The following CDX1 variants were observed in gnomAD, a reference collection of about 807,000 sequenced individuals.
CDX1 encodes homeobox protein CDX-1.
Under a neutral mutation model 16.9 loss-of-function variants are expected in CDX1, and 9 were observed. That is an observed-to-expected ratio of 0.53 (90% CI 0.32 to 0.93). CDX1 has a LOEUF of 0.93. Ranked by LOEUF, CDX1 falls within the 40% of genes least tolerant of loss-of-function variation. CDX1 has a pLI of 0.04. For missense variants in CDX1, 393 were observed against 386.1 expected (o/e 1.02, Z -0.15); for synonymous variants, 179 against 179.0 (o/e 1.00, Z 0.00).
chr5:150,174,816 G>C (rs1403263995), intron 1 of CDX1, among the ~76,000 whole-genome samples: 3 of 144,044 alleles, frequency 2.1e-5, no homozygotes, highest in Non-Finnish European at 3.0e-5. Flanking sequence ...TGCTCTTGTC[G>C]CCCAGGCTGG....
At chr5:150,178,446 C>T (rs966923358) in intron 1 of CDX1, among the ~76,000 whole-genome samples, 1 of 152,142 alleles carries the variant, frequency 6.6e-6, no homozygotes, top group East Asian at 1.9e-4. Context: ...GTTATAGGAG[C>T]CTGGACTTCC....
intron 1 of CDX1, among the ~76,000 whole-genome samples, chr5:150,173,980 A>T (rs1466704871): frequency 6.6e-6 from 1 of 152,214 alleles, no homozygotes; most frequent in Non-Finnish European, 1.5e-5. Context: ...GGTTTGTTTT[A>T]TGTATTCACC....
chr5:150,183,423 C>G (rs765323628), intron 2 of CDX1, 51 bp from the exon 3 acceptor site: 2 of 1,489,118 alleles, frequency 1.3e-6, no homozygotes, highest in South Asian at 2.6e-5. Flanking sequence ...TGCACTCTCT[C>G]TTTCACTCTC....
chr5:150,167,230 C>T lies in CDX1; in HGVS notation c.354C>T (p.Gly118=). 5 of 1,261,660 alleles carry T rather than the reference C, an allele frequency of 4.0e-6. No homozygotes were observed. Among genetic ancestry groups the T allele is most frequent in the Non-Finnish European group, 5.0e-6 (5 of 1,008,798 alleles). 78.2% of individuals were successfully genotyped at this position (1,261,660 alleles called of 1,614,324 possible). Residue 118 remains glycine (G), a synonymous_variant, in exon 1 of 3, where the codon GGC becomes GGT. Coordinates refer to ENST00000231656, the MANE Select transcript of CDX1 (RefSeq NM_001804.3). ...GPGLLAQPLG[G]PGTPSSPGAQ... is the part of the protein sequence containing the mutation. ...GCCTCCTGGCGCAGCCCCTCGGGGG[C>T]CCGGGCACACCGTCCTCGCCCGGAG...
chr5:150,170,536 C>T (rs748422432), intron 1 of CDX1, among the ~76,000 whole-genome samples: 1 of 152,172 alleles, frequency 6.6e-6, no homozygotes, highest in Non-Finnish European at 1.5e-5. Context: ...TGGGTGAGAT[C>T]TTGGCTTTCA....
chr5:150,176,179 CCA>C (rs1761566712), intron 1 of CDX1, among the ~76,000 whole-genome samples: 3 of 152,184 alleles, frequency 2.0e-5, no homozygotes, highest in African/African-American at 7.2e-5. Flanking sequence ...CTGAGCTGGC[CCA>C]CAGCCTGCCA....
At chr5:150,176,991 G>A (rs1349054377) in intron 1 of CDX1, among the ~76,000 whole-genome samples, 2 of 152,234 alleles carry the variant, frequency 1.3e-5, no homozygotes, top group African/African-American at 4.8e-5. Flanking sequence ...TGTGGTCCAG[G>A]CCTTGGGGGG....
chr5:150,181,235 G>A (rs1048724567), intron 1 of CDX1, among the ~76,000 whole-genome samples: 3 of 152,180 alleles, frequency 2.0e-5, no homozygotes, highest in Non-Finnish European at 2.9e-5. Context: ...CCTCTGCCTA[G>A]AAGCCTCTCC....
rs144543933 is a variant in CDX1, at chr5:150,180,536, G to A, written c.446-2232G>A. Reference sequence around the variant, plus strand: ...GGGGGACAGGCGTCAGAATGGGGGCGGGTGAGTGGTTAGTACAGGGGTGCT... The same window carrying A: ...GGGGGACAGGCGTCAGAATGGGGGCAGGTGAGTGGTTAGTACAGGGGTGCT... On this transcript the variant is annotated intron_variant, in intron 1 of 2. Transcript: ENST00000231656. 1.7e-4 allele frequency among the ~76,000 whole-genome samples: 26 copies of A among 152,308 alleles called. No individual in the cohort carries two copies. In the East Asian group the frequency reaches 4.4e-3, roughly 26 times the overall value.
In CDX1 at chr5:150,167,023, T is replaced by C; in HGVS notation, c.147T>C (p.Ser49=). 7.0e-7 allele frequency: 1 copy of C among 1,434,902 alleles called. No homozygotes were observed. The highest frequency in any genetic ancestry group is 9.1e-7 in the Non-Finnish European group (1 of 1,099,642). The allele number at this position is 1,434,902 out of a possible 1,614,324, so 88.9% of individuals were successfully genotyped here. ...AGTACCCCGACTTCTCCAGCTACTC[T>C]CACGTGGAGCCGGCCCCCGCGCCCC... is the stretch of plus-strand genomic sequence containing the variant. ...PPQYPDFSSY[S]HVEPAPAPPT... Residue 49 remains serine, a synonymous_variant, in exon 1 of 3, where the codon TCT becomes TCC. Transcript: ENST00000231656.
chr5:150,183,893 G>C lies in CDX1; in HGVS notation c.*213G>C. ...AGCTCCTGTGTTCTAGACCTCTGGGGGATAAGGGAGTCCAGGGTGGATGAT... is the reference window on the plus strand; with the variant it reads ...AGCTCCTGTGTTCTAGACCTCTGGGCGATAAGGGAGTCCAGGGTGGATGAT... On this transcript the variant is annotated 3_prime_UTR_variant, in exon 3 of 3. Coordinates refer to ENST00000231656, the MANE Select transcript of CDX1 (RefSeq NM_001804.3). 2.5e-6 allele frequency: 1 copy of C among 402,710 alleles called. No individual in the cohort carries two copies. The highest frequency in any genetic ancestry group is 4.4e-6 in the Non-Finnish European group (1 of 226,788). The allele number at this position is 402,710 out of a possible 1,614,324, so 24.9% of individuals were successfully genotyped here.
At chr5:150,175,556 C>T (rs952167953) in intron 1 of CDX1, among the ~76,000 whole-genome samples, 7 of 152,132 alleles carry the variant, frequency 4.6e-5, no homozygotes, top group African/African-American at 1.7e-4. Flanking sequence ...CCCATGCCAG[C>T]TTCATCCCTG....
intron 1 of CDX1, among the ~76,000 whole-genome samples, chr5:150,173,698 T>C (rs1325545019): frequency 1.3e-5 from 2 of 152,262 alleles, no homozygotes; most frequent in African/African-American, 2.4e-5. Context: ...CCAGCATCTA[T>C]TGGGTGCTCA....
chr5:150,175,514 G>T (rs1033791636), intron 1 of CDX1, among the ~76,000 whole-genome samples: 1 of 152,206 alleles, frequency 6.6e-6, no homozygotes, highest in Admixed American at 6.5e-5. Flanking sequence ...TCCCAAAATG[G>T]CTGGCCTGGC....
intron 1 of CDX1, 113 bp from the exon 2 acceptor site, chr5:150,182,655 G>A: frequency 1.0e-6 from 1 of 991,752 alleles, no homozygotes. Flanking sequence ...CCCCACCTCA[G>A]GGTCCTACTT....
rs116045308 is a variant in CDX1 at position 150,167,959 on chromosome 5, C to T, written c.445+638C>T. On this transcript the variant is annotated intron_variant, in intron 1 of 2. Transcript: ENST00000231656. ...TGGGAAGGGGGGCTACTGTTTGGCT[C>T]CTGAGCCTGTGAACCTCCTGCCCCC... 4.4e-3 allele frequency among the ~76,000 whole-genome samples: 669 copies of T among 152,330 alleles called. 6 individuals are homozygous for T. Among genetic ancestry groups the T allele is most frequent in the African/African-American group, 0.015 (644 of 41,566 alleles).
chr5:150,169,636 G>A (rs1402108824), intron 1 of CDX1, among the ~76,000 whole-genome samples: 1 of 152,138 alleles, frequency 6.6e-6, no homozygotes, highest in African/African-American at 2.4e-5. Flanking sequence ...TTCTCCTTCT[G>A]GGCAATGAAG....
intron 1 of CDX1, among the ~76,000 whole-genome samples, chr5:150,181,998 A>G (rs1458356214): frequency 6.6e-6 from 1 of 152,176 alleles, no homozygotes; most frequent in Non-Finnish European, 1.5e-5. Flanking sequence ...ATCGTGAGCC[A>G]GAGCCTTTGA....
Position 150,168,210 on chromosome 5 carries a change from G to C in CDX1, c.445+889G>C, listed in dbSNP as rs576131002. On this transcript the variant is annotated intron_variant, in intron 1 of 2. Transcript: ENST00000231656. ...CTGACAAAGGCCACCTAGCCTTGGGGGCGGGAAGCTGGCCTGCCCACCCTT... is the reference window on the plus strand; with the variant it reads ...CTGACAAAGGCCACCTAGCCTTGGGCGCGGGAAGCTGGCCTGCCCACCCTT... Among the ~76,000 whole-genome samples the C allele has an allele frequency of 5.3e-5, 8 of 152,316 alleles. No homozygotes were observed. In the South Asian group the frequency reaches 1.7e-3, roughly 32 times the overall value.
Sources: gnomAD v4.1 joint callset for allele counts (sites outside exome capture counted in the v4.1 genomes callset) on GRCh38, gnomAD v4.1.1 for gene constraint, MANE v1.5 for transcripts, NCBI Gene and HGNC (gene_info 2026-07-23, HGNC 2026-07-21) for gene names.